TRMT9B: variants seen among roughly 807,000 people sequenced by gnomAD.
TRMT9B encodes the protein probable tRNA methyltransferase 9B.
In TRMT9B, 16 loss-of-function variants were observed where a neutral mutation model predicts 11.5. The ratio of observed to expected loss-of-function variants is 1.39; its 90% CI spans 0.94 to 2.11. TRMT9B has a LOEUF of 2.11. TRMT9B is among the 30% of genes most tolerant of loss of function. The pLI, the probability that TRMT9B is intolerant of heterozygous loss-of-function variation, is 0.00. For synonymous variants in TRMT9B, 274 were observed against 192.4 expected, an observed-to-expected ratio of 1.42 and a Z score of -3.51; for missense variants, 941 against 553.8, an observed-to-expected ratio of 1.70 and a Z score of -7.02.
chr8:12,957,587 C>T (rs565585850), intron 1 of TRMT9B, among the ~76,000 whole-genome samples: 1 of 152,096 alleles, frequency 6.6e-6, no homozygotes, highest in African/African-American at 2.4e-5. Flanking sequence ...TTGTTCAAGC[C>T]AGGACACTTT....
rs146192122 is a variant in TRMT9B, at chr8:13,028,147, T to C, written c.*6103T>C. On this transcript the variant is annotated 3_prime_UTR_variant, in exon 5 of 5. Coordinates refer to ENST00000524591, the MANE Select transcript of TRMT9B (RefSeq NM_020844.3). ...ACACATTAACAGGGGTGTGAATCAT[T>C]TCAGTTACATCACATACTCTGTCCT... The C allele has an allele frequency of 5.8e-4, 97 of 167,188 alleles. 1 individual carries two copies. The East Asian group carries it at 0.017, about 30-fold the overall frequency. The allele number at this position is 167,188 out of a possible 1,614,324, so 10.4% of individuals were successfully genotyped here. A position where few individuals can be genotyped will look rare whatever the true frequency, so the allele number is the denominator to read the frequency against.
chr8:13,016,720 G>T (rs998230352), intron 4 of TRMT9B, among the ~76,000 whole-genome samples: 1 of 151,548 alleles, frequency 6.6e-6, no homozygotes, highest in Non-Finnish European at 1.5e-5. Flanking sequence ...ATGCCCTTCA[G>T]GCTAGTGCTT....
Position 13,012,870 on chromosome 8 carries a change from G to A in TRMT9B, c.328+13G>A. On this transcript the variant is annotated intron_variant, in intron 4 of 4. Transcript: ENST00000524591. Reference sequence around the variant, plus strand: ...ATCTCCATAGGAGGTAAGGCAGCCAGATCACACATTCACCCTTTGCCATGA... The same window carrying A: ...ATCTCCATAGGAGGTAAGGCAGCCAAATCACACATTCACCCTTTGCCATGA... 6.2e-7 allele frequency: 1 copy of A among 1,612,410 alleles called. No homozygotes were observed. Among genetic ancestry groups the A allele is most frequent in the Non-Finnish European group, 8.5e-7 (1 of 1,179,248 alleles).
intron 1 of TRMT9B, among the ~76,000 whole-genome samples, chr8:12,949,983 G>T (rs1283186722): frequency 6.6e-6 from 1 of 152,114 alleles, no homozygotes; most frequent in African/African-American, 2.4e-5. Context: ...CTCCTGAATG[G>T]CTGGGATCAT....
At chr8:12,952,601 A>G (rs959017841) in intron 1 of TRMT9B, 1 of 778,946 alleles carries the variant, frequency 1.3e-6, no homozygotes, top group Non-Finnish European at 1.6e-6. Flanking sequence ...TGGGGAACTG[A>G]TTTTTAATTA....
chr8:12,971,433 C>G (rs1227079572), intron 1 of TRMT9B, among the ~76,000 whole-genome samples: 1 of 152,136 alleles, frequency 6.6e-6, no homozygotes, highest in Non-Finnish European at 1.5e-5. Flanking sequence ...CCTCTGAGTT[C>G]TACTTTTGAA....
chr8:12,996,000 G>A (rs74462950), intron 2 of TRMT9B, among the ~76,000 whole-genome samples: 3,714 of 152,172 alleles, frequency 0.024, 156 homozygotes, highest in African/African-American at 0.085. Flanking sequence ...TTGTCTTAAC[G>A]AGTAACAGTA....
chr8:13,016,322 T>G (rs1389922498), intron 4 of TRMT9B, among the ~76,000 whole-genome samples: 1 of 146,118 alleles, frequency 6.8e-6, no homozygotes, highest in African/African-American at 2.5e-5. Context: ...ATAAGAGAGA[T>G]AGTCTATTGA....
chr8:12,980,535 G>T (rs1164508257), intron 1 of TRMT9B, among the ~76,000 whole-genome samples: 1 of 152,058 alleles, frequency 6.6e-6, no homozygotes, highest in East Asian at 1.9e-4. Context: ...GAGAGGCAAG[G>T]TTCTGCATCC....
At chr8:12,958,701 C>G (rs1237780461) in intron 1 of TRMT9B, 1 of 152,174 alleles carries the variant, frequency 6.6e-6, no homozygotes, top group African/African-American at 2.4e-5. Flanking sequence ...CACAAAGAAC[C>G]AGCATGAGAT....
chr8:12,969,517 C>T (rs560714082), intron 1 of TRMT9B, among the ~76,000 whole-genome samples: 30 of 152,290 alleles, frequency 2.0e-4, no homozygotes, highest in Non-Finnish European at 2.8e-4. Flanking sequence ...TGTGTACATT[C>T]TCCCATTATT....
intron 2 of TRMT9B, among the ~76,000 whole-genome samples, chr8:13,003,019 C>T (rs2466270): frequency 0.75 from 113,556 of 152,052 alleles, 42,515 homozygotes; most frequent in Admixed American, 0.8. Context: ...TCCATTCTCA[C>T]TATGTGTATT....
intron 4 of TRMT9B, among the ~76,000 whole-genome samples, chr8:13,015,079 AAAT>A (rs1276123975): frequency 7.9e-6 from 1 of 125,788 alleles, no homozygotes; most frequent in Admixed American, 7.3e-5. Context: ...ATAAATAAAT[AAAT>A]AAATAAATAA....
chr8:13,020,909 T>C, intron 4 of TRMT9B, 99 bp from the exon 5 acceptor site: 1 of 726,246 alleles, frequency 1.4e-6, no homozygotes. Context: ...TTTCATTAGA[T>C]GTCAAAATTT....
intron 2 of TRMT9B, among the ~76,000 whole-genome samples, chr8:12,996,788 T>G (rs1005793071): frequency 6.6e-6 from 1 of 152,036 alleles, no homozygotes; most frequent in African/African-American, 2.4e-5. Flanking sequence ...AGCGCCCTCA[T>G]GTAACCCGAG....
intron 1 of TRMT9B, among the ~76,000 whole-genome samples, chr8:12,975,345 G>A (rs1804277951): frequency 6.6e-6 from 1 of 152,024 alleles, no homozygotes; most frequent in Non-Finnish European, 1.5e-5. Context: ...TCATGTAATT[G>A]TTGAACATAT....
At chr8:12,987,001 C>T (rs1174599802) in intron 1 of TRMT9B, among the ~76,000 whole-genome samples, 1 of 152,200 alleles carries the variant, frequency 6.6e-6, no homozygotes, top group African/African-American at 2.4e-5. Flanking sequence ...TTCAGTGGTT[C>T]CCCATGATGT....
intron 1 of TRMT9B, among the ~76,000 whole-genome samples, chr8:12,987,629 C>T (rs1231808607): frequency 2.0e-5 from 3 of 152,000 alleles, no homozygotes; most frequent in Non-Finnish European, 2.9e-5. Context: ...GAGGTCAAGG[C>T]TGCAGTGAGC....
chr8:12,963,759 A>C (rs1328228811), intron 1 of TRMT9B, among the ~76,000 whole-genome samples: 1 of 152,216 alleles, frequency 6.6e-6, no homozygotes, highest in Non-Finnish European at 1.5e-5. Flanking sequence ...AAACAAAACA[A>C]AAATGTATAC....
Sources: gnomAD v4.1 joint callset for allele counts (sites outside exome capture counted in the v4.1 genomes callset) on GRCh38, gnomAD v4.1.1 for gene constraint, MANE v1.5 for transcripts, NCBI Gene and HGNC (gene_info 2026-07-23, HGNC 2026-07-21) for gene names.